CIP2A: variants seen among roughly 807,000 people sequenced by gnomAD.
CIP2A encodes the protein protein CIP2A.
A neutral mutation model predicts 110.9 loss-of-function variants in CIP2A; 103 were observed. That is an observed-to-expected ratio of 0.93 (90% CI 0.79 to 1.09). The LOEUF (loss-of-function observed/expected upper bound fraction) is 1.09, where lower values mean the gene tolerates loss of function less well. Among genes scored for constraint, CIP2A ranks in the 50% least tolerant of loss-of-function variants. The probability of loss-of-function intolerance (pLI) is 0.00; values close to 1 mark genes in which losing one functional copy is unlikely to be tolerated. For missense variants in CIP2A, 1,088 were observed against 1,038.4 expected (o/e 1.05, Z -0.66); for synonymous variants, 381 against 361.6 (o/e 1.05, Z -0.61).
At chr3:108,554,328 G>T in intron 18 of CIP2A, 48 bp downstream of exon 18, 1 of 749,910 alleles carries the variant, frequency 1.3e-6, no homozygotes, top group Non-Finnish European at 2.2e-6. Flanking sequence ...GAATCATTTT[G>T]TTTTTGAAAA....
intron 20 of CIP2A, 89 bp from the exon 21 acceptor site, chr3:108,551,408 AT>A (rs932170768): frequency 2.2e-6 from 2 of 918,116 alleles, no homozygotes; most frequent in African/African-American, 3.4e-5. Flanking sequence ...AGATGCTTTT[AT>A]TTTTTATTGT....
intron 4 of CIP2A, 102 bp downstream of exon 4, chr3:108,582,006 T>C (rs560379397): frequency 1.8e-6 from 1 of 561,982 alleles, no homozygotes; most frequent in Non-Finnish European, 3.2e-6. Context: ...ACTCAGTTTA[T>C]ATGTTAGAAA....
At chr3:108,566,942 G>T (rs1938210314) in intron 10 of CIP2A, among the ~76,000 whole-genome samples, 2 of 151,714 alleles carry the variant, frequency 1.3e-5, no homozygotes, top group South Asian at 4.2e-4. Context: ...TTGAATAAGG[G>T]TAAGTTGTTT....
chr3:108,565,554 G>GT lies in CIP2A; in HGVS notation c.1416-101dup, dbSNP rs1938152915. 3 of 609,972 alleles carry GT rather than the reference G, an allele frequency of 4.9e-6. No individual in the cohort carries two copies. The Admixed American group carries it at 1.0e-4, about 21-fold the overall frequency. The allele number at this position is 609,972 out of a possible 1,614,324, so 37.8% of individuals were successfully genotyped here. A position where few individuals can be genotyped will look rare whatever the true frequency, so the allele number is the denominator to read the frequency against. On this transcript the variant is annotated intron_variant, in intron 11 of 20. Coordinates refer to ENST00000295746, the MANE Select transcript of CIP2A (RefSeq NM_020890.3). ...GAAAATGAAAAAAACCAACACTTGT[G>GT]TTTTTTAAATTCAAGATGATAAAGT...
At chr3:108,569,879 C>G (rs1171476991) in intron 8 of CIP2A, among the ~76,000 whole-genome samples, 2 of 151,966 alleles carry the variant, frequency 1.3e-5, no homozygotes, top group Non-Finnish European at 2.9e-5. Context: ...TCCTCCCACT[C>G]CTTCCATAGT....
intron 8 of CIP2A, among the ~76,000 whole-genome samples, chr3:108,575,433 C>G (rs948695053): frequency 2.1e-5 from 3 of 146,024 alleles, no homozygotes; most frequent in Non-Finnish European, 4.5e-5. Flanking sequence ...TGTATACATA[C>G]ACATACATAT....
In CIP2A at chr3:108,559,705, T is replaced by C. The variant is rs190080040; in HGVS notation, c.2013+52A>G. The C allele has an allele frequency of 2.8e-6, 3 of 1,059,820 alleles. No individual in the cohort carries two copies. The East Asian group carries it at 7.6e-5, about 27-fold the overall frequency. 65.7% of individuals were successfully genotyped at this position (1,059,820 alleles called of 1,614,324 possible). On this transcript the variant is annotated intron_variant, in intron 16 of 20. Coordinates refer to ENST00000295746, the MANE Select transcript of CIP2A (RefSeq NM_020890.3). The stretch of plus-strand genomic sequence containing the variant: ...AAATACATAACTAATATTTTGCATG[T>C]TTTACTTATTAATTTTTCTACAAAT...
At chr3:108,583,276 GAAA>G (rs1278034918) in intron 2 of CIP2A, among the ~76,000 whole-genome samples, 193 bp from the exon 3 acceptor site, 1 of 151,748 alleles carries the variant, frequency 6.6e-6, no homozygotes, top group Non-Finnish European at 1.5e-5. Context: ...TAGTATCAAA[GAAA>G]AAACTTGTTT....
chr3:108,573,524 T>C (rs976065678), intron 8 of CIP2A, among the ~76,000 whole-genome samples: 4 of 152,042 alleles, frequency 2.6e-5, no homozygotes, highest in African/African-American at 9.6e-5. Flanking sequence ...TCCCCTGTGC[T>C]ACCTGACCTC....
intron 16 of CIP2A, among the ~76,000 whole-genome samples, chr3:108,558,804 A>G (rs1018858755): frequency 3.9e-5 from 6 of 152,198 alleles, no homozygotes; most frequent in Admixed American, 3.9e-4. Context: ...GAATATGTCA[A>G]GTTTCAGAAA....
intron 11 of CIP2A, 70 bp downstream of exon 11, chr3:108,566,427 G>A (rs1938183049): frequency 1.2e-5 from 15 of 1,206,808 alleles, no homozygotes; most frequent in Non-Finnish European, 1.7e-5. Flanking sequence ...TCCTCCAAAA[G>A]GATGAGAATC....
chr3:108,579,263 G>T lies in CIP2A; in HGVS notation c.818+18C>A. The T allele has an allele frequency of 1.9e-6, 3 of 1,579,910 alleles. No homozygotes were observed. The South Asian group carries it at 3.5e-5, about 18-fold the overall frequency. ...TTAAAAATAAAAAAGTTCTAAAATTGACTGAAGTGAGTCATACCTGGTGAG... is the reference window on the plus strand; with the variant it reads ...TTAAAAATAAAAAAGTTCTAAAATTTACTGAAGTGAGTCATACCTGGTGAG... On this transcript the variant is annotated intron_variant, in intron 7 of 20. Transcript: ENST00000295746.
At position 108,552,229 on chromosome 3, in the gene CIP2A, C is replaced by T; in HGVS notation, c.2547+5G>A. The T allele has an allele frequency of 6.4e-7, 1 of 1,553,336 alleles. No homozygotes were observed. Among genetic ancestry groups the T allele is most frequent in the East Asian group, 2.4e-5 (1 of 42,104 alleles). ...CTGCAAATGAGAAATGGAACAGATTCTTACCTTAATGCTCAACTCTTTTCT... is the reference window on the plus strand; with the variant it reads ...CTGCAAATGAGAAATGGAACAGATTTTTACCTTAATGCTCAACTCTTTTCT... On this transcript the variant is annotated splice_donor_5th_base_variant and intron_variant, in intron 20 of 20. Coordinates refer to ENST00000295746, the MANE Select transcript of CIP2A (RefSeq NM_020890.3).
chr3:108,552,879 A>G (rs930496979), intron 19 of CIP2A, among the ~76,000 whole-genome samples: 1 of 152,142 alleles, frequency 6.6e-6, no homozygotes, highest in African/African-American at 2.4e-5. Flanking sequence ...CATTGAGTAC[A>G]CACAGACTTA....
intron 13 of CIP2A, among the ~76,000 whole-genome samples, chr3:108,562,193 C>T (rs2603123): frequency 1 from 152,296 of 152,296 alleles, 76,148 homozygotes; most frequent in Non-Finnish European, 1. Context: ...AAAGTGGAAT[C>T]GCTAAATCAG....
chr3:108,580,278 G>C (rs1375972090), intron 5 of CIP2A, among the ~76,000 whole-genome samples: 5 of 152,178 alleles, frequency 3.3e-5, no homozygotes, highest in Non-Finnish European at 7.3e-5. Context: ...TGAGCAAGAT[G>C]GGTAGTTTCG....
intron 5 of CIP2A, among the ~76,000 whole-genome samples, chr3:108,580,212 A>AT (rs1039634269): frequency 3.3e-5 from 5 of 152,238 alleles, no homozygotes; most frequent in African/African-American, 1.2e-4. Flanking sequence ...TGGAGCAGCA[A>AT]TTAACTTTGC....
chr3:108,573,691 C>T (rs1049247247), intron 8 of CIP2A, among the ~76,000 whole-genome samples: 84 of 152,086 alleles, frequency 5.5e-4, no homozygotes, highest in Admixed American at 5.5e-3. Context: ...AAATAGTTCT[C>T]ATATTGCACA....
At position 108,566,450 on chromosome 3, in the gene CIP2A, G is replaced by C. The variant is rs773122323; in HGVS notation, c.1415+47C>G. 7.9e-6 allele frequency: 12 copies of C among 1,523,006 alleles called. No individual in the cohort carries two copies. The East Asian group carries it at 2.2e-4, about 27-fold the overall frequency. The allele number at this position is 1,523,006 out of a possible 1,614,324, so 94.3% of individuals were successfully genotyped here. A position where few individuals can be genotyped will look rare whatever the true frequency, so the allele number is the denominator to read the frequency against. On this transcript the variant is annotated intron_variant, in intron 11 of 20. Coordinates refer to ENST00000295746, the MANE Select transcript of CIP2A (RefSeq NM_020890.3). The stretch of plus-strand genomic sequence containing the variant: ...AAGGATGAGAATCACCACATCTTTC[G>C]ATTTTTTACTGCCTTGCCATTTTGT...
Sources: gnomAD v4.1 joint callset for allele counts (sites outside exome capture counted in the v4.1 genomes callset) on GRCh38, gnomAD v4.1.1 for gene constraint, MANE v1.5 for transcripts, NCBI Gene and HGNC (gene_info 2026-07-23, HGNC 2026-07-21) for gene names.